CNIH4: variants seen among roughly 807,000 people sequenced by gnomAD.
CNIH4 encodes the protein protein cornichon homolog 4.
A neutral mutation model predicts 21.5 loss-of-function variants in CNIH4; 9 were observed. That is an observed-to-expected ratio of 0.42 (90% CI 0.25 to 0.73). The LOEUF (loss-of-function observed/expected upper bound fraction) is 0.73, where lower values mean the gene tolerates loss of function less well. Among genes scored for constraint, CNIH4 ranks in the 30% least tolerant of loss-of-function variants. The pLI is 0.27. For missense variants in CNIH4, 159 were observed against 170.0 expected (o/e 0.94, Z 0.36); for synonymous variants, 67 against 59.1 (o/e 1.13, Z -0.61).
rs1672768642 is a variant in CNIH4 at position 224,375,917 on chromosome 1, CA to C, written c.*96del. The C allele has an allele frequency of 4.1e-6, 6 of 1,479,808 alleles. No individual in the cohort carries two copies. In the South Asian group the frequency reaches 8.9e-5, roughly 22 times the overall value. 91.7% of individuals were successfully genotyped at this position (1,479,808 alleles called of 1,614,324 possible). Reference sequence around the variant, plus strand: ...ATCATCCTTAGAACCGTGACCATAGCAGTATATATTTTCCTCTTGGAACAAA... The same window carrying C: ...ATCATCCTTAGAACCGTGACCATAGCGTATATATTTTCCTCTTGGAACAAA... On this transcript the variant is annotated 3_prime_UTR_variant, in exon 5 of 5. Coordinates refer to ENST00000465271, the MANE Select transcript of CNIH4 (RefSeq NM_014184.4).
chr1:224,361,243 G>A (rs1176483209), intron 2 of CNIH4, among the ~76,000 whole-genome samples: 8 of 150,958 alleles, frequency 5.3e-5, no homozygotes, highest in African/African-American at 1.5e-4. Flanking sequence ...AGCCTCCCAA[G>A]TAGCTGGGAT....
intron 4 of CNIH4, 125 bp downstream of exon 4, chr1:224,371,548 G>C (rs1672629233): frequency 1.1e-6 from 1 of 922,128 alleles, no homozygotes; most frequent in South Asian, 1.7e-5. Flanking sequence ...ATTCCTTGTG[G>C]CTGTGTAGAT....
At chr1:224,366,691 G>T (rs1672466155) in intron 3 of CNIH4, among the ~76,000 whole-genome samples, 1 of 148,882 alleles carries the variant, frequency 6.7e-6, no homozygotes, top group South Asian at 2.2e-4. Context: ...GGGTACAGTG[G>T]CTCACGCCTG....
intron 4 of CNIH4, among the ~76,000 whole-genome samples, chr1:224,371,980 G>A (rs1672644668): frequency 6.6e-6 from 1 of 151,898 alleles, no homozygotes; most frequent in African/African-American, 2.4e-5. Flanking sequence ...CAGCTGTGGA[G>A]TTCCACTGCC....
At position 224,375,670 on chromosome 1, in the gene CNIH4, A is replaced by C. The variant is rs139634403; in HGVS notation, c.393-125A>C. The C allele has an allele frequency of 5.1e-3, 5,260 of 1,031,746 alleles. 25 individuals carry two copies. Among genetic ancestry groups the C allele is most frequent in the Middle Eastern group, 8.5e-3 (40 of 4,724 alleles). The allele number at this position is 1,031,746 out of a possible 1,614,324, so 63.9% of individuals were successfully genotyped here. A position where few individuals can be genotyped will look rare whatever the true frequency, so the allele number is the denominator to read the frequency against. On this transcript the variant is annotated intron_variant, in intron 4 of 4. Transcript: ENST00000465271. ...TAATATATTCTTTCCTTTGGGTATG[A>C]ATGATTGTCTTTTACTCAAATGATT...
At chr1:224,360,586 C>G (rs1432802913) in intron 2 of CNIH4, 23 bp downstream of exon 2, 3 of 1,324,428 alleles carry the variant, frequency 2.3e-6, no homozygotes, top group Non-Finnish European at 2.0e-6. Flanking sequence ...TTTGCTCATT[C>G]TCTGGCATTG....
At chr1:224,358,795 C>G (rs1471948545) in intron 1 of CNIH4, among the ~76,000 whole-genome samples, 2 of 152,140 alleles carry the variant, frequency 1.3e-5, no homozygotes, top group African/African-American at 2.4e-5. Flanking sequence ...CCAATTTATG[C>G]ATTTAGAGAA....
chr1:224,375,926 T>A lies in CNIH4; in HGVS notation c.*104T>A. The A allele has an allele frequency of 6.9e-7, 1 of 1,440,872 alleles. No individual in the cohort carries two copies. The highest frequency in any genetic ancestry group is 1.4e-5 in the African/African-American group (1 of 69,514). The allele number at this position is 1,440,872 out of a possible 1,614,324, so 89.3% of individuals were successfully genotyped here. ...AGAACCGTGACCATAGCAGTATATATTTTCCTCTTGGAACAAAAAACTATT... is the reference window on the plus strand; with the variant it reads ...AGAACCGTGACCATAGCAGTATATAATTTCCTCTTGGAACAAAAAACTATT... On this transcript the variant is annotated 3_prime_UTR_variant, in exon 5 of 5. Coordinates refer to ENST00000465271, the MANE Select transcript of CNIH4 (RefSeq NM_014184.4).
In CNIH4 at chr1:224,379,210, A is replaced by G; in HGVS notation, c.*3388A>G. The G allele has an allele frequency of 9.8e-7, 1 of 1,017,238 alleles. No individual in the cohort carries two copies. The highest frequency in any genetic ancestry group is 1.5e-6 in the Non-Finnish European group (1 of 665,744). The allele number at this position is 1,017,238 out of a possible 1,614,324, so 63.0% of individuals were successfully genotyped here. On this transcript the variant is annotated 3_prime_UTR_variant, in exon 5 of 5. Coordinates refer to ENST00000465271, the MANE Select transcript of CNIH4 (RefSeq NM_014184.4). The stretch of plus-strand genomic sequence containing the variant: ...TGCCTGCCACAGACTACAGTAGGAC[A>G]AAACCTGACCTGGTCTTTGAAGTTA...
chr1:224,366,361 T>C (rs1048099652), intron 3 of CNIH4, among the ~76,000 whole-genome samples: 1 of 143,900 alleles, frequency 6.9e-6, no homozygotes, highest in Non-Finnish European at 1.5e-5. Context: ...CTTTTTTTCT[T>C]TTTTTTTGGA....
rs974829109 is a variant in CNIH4, at chr1:224,376,408, C to T, written c.*586C>T. 4.8e-5 allele frequency: 47 copies of T among 985,176 alleles called. No homozygotes were observed. The African/African-American group carries it at 7.2e-4, about 15-fold the overall frequency. The allele number at this position is 985,176 out of a possible 1,614,324, so 61.0% of individuals were successfully genotyped here. A position where few individuals can be genotyped will look rare whatever the true frequency, so the allele number is the denominator to read the frequency against. ...TTTGTGAAACCTTATAAGCCATTTT[C>T]CCCAGGTACAATGTAGTTCCTGCTG... On this transcript the variant is annotated 3_prime_UTR_variant, in exon 5 of 5. Transcript: ENST00000465271.
At chr1:224,368,675 G>A (rs949841733) in intron 3 of CNIH4, among the ~76,000 whole-genome samples, 2 of 148,108 alleles carry the variant, frequency 1.4e-5, no homozygotes, top group East Asian at 2.0e-4. Context: ...TTTTTTTTTC[G>A]AGATAGAGTC....
At chr1:224,372,564 GT>G (rs965162213) in intron 4 of CNIH4, among the ~76,000 whole-genome samples, 49 of 147,054 alleles carry the variant, frequency 3.3e-4, no homozygotes, top group Non-Finnish European at 5.4e-4. Flanking sequence ...GATAGCAGGG[GT>G]TTTTTTTTTG....
intron 2 of CNIH4, among the ~76,000 whole-genome samples, chr1:224,361,842 C>T (rs906781715): frequency 3.9e-5 from 6 of 152,172 alleles, no homozygotes; most frequent in Admixed American, 2.6e-4. Flanking sequence ...TCTTTGGCCT[C>T]CCAAAGTGTT....
intron 2 of CNIH4, chr1:224,364,470 T>C: frequency 1.3e-6 from 1 of 746,262 alleles, no homozygotes. Context: ...GTATTATGTG[T>C]ATTTTACAGA....
At chr1:224,373,630 C>T (rs1169198324) in intron 4 of CNIH4, among the ~76,000 whole-genome samples, 2 of 151,504 alleles carry the variant, frequency 1.3e-5, no homozygotes, top group Non-Finnish European at 2.9e-5. Flanking sequence ...GAGTTCAAGA[C>T]CAGCCTGGCC....
chr1:224,364,356 G>T (rs557401443), intron 2 of CNIH4: 1 of 985,366 alleles, frequency 1.0e-6, no homozygotes, highest in East Asian at 1.1e-4. Context: ...GATATGGATC[G>T]CAGAGTATTA....
intron 4 of CNIH4, among the ~76,000 whole-genome samples, chr1:224,374,102 T>C (rs1163096792): frequency 6.6e-6 from 1 of 152,212 alleles, no homozygotes; most frequent in African/African-American, 2.4e-5. Context: ...GAAGATGTCC[T>C]TGTAGCACTT....
chr1:224,365,091 T>C (rs1672412674), intron 2 of CNIH4, among the ~76,000 whole-genome samples: 1 of 152,224 alleles, frequency 6.6e-6, no homozygotes. Context: ...TGTGTAACCT[T>C]AGGCAATTTA....
Sources: gnomAD v4.1 joint callset for allele counts (sites outside exome capture counted in the v4.1 genomes callset) on GRCh38, gnomAD v4.1.1 for gene constraint, MANE v1.5 for transcripts, NCBI Gene and HGNC (gene_info 2026-07-23, HGNC 2026-07-21) for gene names.